The following TIAM2 variants were observed in gnomAD, a reference collection of about 807,000 sequenced individuals.
TIAM2 encodes TIAM Rac1 associated GEF 2, also known as rho guanine nucleotide exchange factor TIAM2.
A neutral mutation model predicts 152.9 loss-of-function variants in TIAM2; 80 were observed. The observed-to-expected ratio is 0.52, with a 90% CI of 0.44 to 0.63. The LOEUF (loss-of-function observed/expected upper bound fraction) is 0.63. Ranked by LOEUF, TIAM2 falls within the 30% of genes least tolerant of loss-of-function variation. The pLI, the probability that TIAM2 is intolerant of heterozygous loss-of-function variation, is 0.00. For synonymous variants in TIAM2, 804 were observed against 838.0 expected, an observed-to-expected ratio of 0.96 and a Z score of 0.70; for missense variants, 1,965 against 2,120.1, an observed-to-expected ratio of 0.93 and a Z score of 1.44.
intron 15 of TIAM2, among the ~76,000 whole-genome samples, chr6:155,239,691 C>G (rs1273288426): frequency 6.6e-6 from 1 of 152,190 alleles, no homozygotes; most frequent in Non-Finnish European, 1.5e-5. Context: ...CTATGTGATT[C>G]CTTTCCCATG....
chr6:155,199,158 C>T (rs1781423790), intron 14 of TIAM2, among the ~76,000 whole-genome samples: 1 of 152,006 alleles, frequency 6.6e-6, no homozygotes, highest in African/African-American at 2.4e-5. Flanking sequence ...TCACTGCAAC[C>T]TCTGCCTCCC....
At position 155,045,054 on chromosome 6, in the gene TIAM2, T is replaced by TC. The variant is rs201811803; in HGVS notation, c.-208-45235_-208-45234insC. ...GCCCTTTTTCTTTTTCTTTTTCTTTTTTTTTTTTTTTTTTGAGACAGAGTC... is the reference window on the plus strand; with the variant it reads ...GCCCTTTTTCTTTTTCTTTTTCTTTTCTTTTTTTTTTTTTTGAGACAGAGTC... On this transcript the variant is annotated intron_variant, in intron 1 of 26. Coordinates refer to ENST00000682666, the MANE Select transcript of TIAM2 (RefSeq NM_012454.4). Among the ~76,000 whole-genome samples the TC allele has an allele frequency of 3.5e-3, 509 of 145,612 alleles. 2 individuals are homozygous for TC. The highest frequency in any genetic ancestry group is 5.2e-3 in the Non-Finnish European group (344 of 66,202).
intron 14 of TIAM2, among the ~76,000 whole-genome samples, chr6:155,185,123 C>CTTTT (rs11404301): frequency 5.7e-4 from 53 of 92,386 alleles, no homozygotes; most frequent in African/African-American, 7.9e-4. Context: ...GCAAATTTAC[C>CTTTT]TTTTTTTTTT....
At position 155,018,487 on chromosome 6, in the gene TIAM2, C is replaced by T. The variant is rs756007918; in HGVS notation, c.-209+22995C>T. Among the ~76,000 whole-genome samples, 148 of 150,996 alleles carry T rather than the reference C, an allele frequency of 9.8e-4. 1 individual carries two copies. Among genetic ancestry groups the T allele is most frequent in the Middle Eastern group, 3.4e-3 (1 of 294 alleles). On this transcript the variant is annotated intron_variant, in intron 1 of 26. Transcript: ENST00000682666. The stretch of plus-strand genomic sequence containing the variant: ...TTCAAAAATTAGCCAGGCATGGTGG[C>T]GAGCTCCTGTAATCCCAGCTACTCA...
At chr6:155,028,486 C>CAAATA (rs1554225309) in intron 1 of TIAM2, among the ~76,000 whole-genome samples, 3 of 103,104 alleles carry the variant, frequency 2.9e-5, no homozygotes, top group Non-Finnish European at 6.0e-5. Flanking sequence ...ACATATACTA[C>CAAATA]ATATATATAC....
At chr6:155,144,799 G>A in intron 6 of TIAM2, 21 bp downstream of exon 6, 1 of 1,596,392 alleles carries the variant, frequency 6.3e-7, no homozygotes, top group Non-Finnish European at 8.5e-7. Context: ...TACTTTGTAA[G>A]TGGAGGTAAT....
At chr6:155,206,450 T>C (rs962116988) in intron 14 of TIAM2, among the ~76,000 whole-genome samples, 2 of 152,146 alleles carry the variant, frequency 1.3e-5, no homozygotes, top group South Asian at 2.1e-4. Flanking sequence ...TTAGCCAGGA[T>C]GGTCTCGATC....
At chr6:155,026,511 G>C (rs1019841469) in intron 1 of TIAM2, among the ~76,000 whole-genome samples, 1 of 152,194 alleles carries the variant, frequency 6.6e-6, no homozygotes, top group Admixed American at 6.5e-5. Context: ...GAAGGGCATG[G>C]ACAACTACAG....
chr6:155,171,121 CAGAA>C (rs1353015296), intron 9 of TIAM2, among the ~76,000 whole-genome samples: 2 of 152,192 alleles, frequency 1.3e-5, no homozygotes, highest in African/African-American at 2.4e-5. Flanking sequence ...TTCTATAACA[CAGAA>C]AGGCTGTTGT....
At chr6:155,221,777 A>G (rs533835027) in intron 15 of TIAM2, among the ~76,000 whole-genome samples, 1 of 152,034 alleles carries the variant, frequency 6.6e-6, no homozygotes, top group East Asian at 1.9e-4. Flanking sequence ...TCAGCCCTCT[A>G]TTTCCAGATC....
intron 1 of TIAM2, among the ~76,000 whole-genome samples, chr6:154,997,038 C>T (rs976107975): frequency 4.6e-5 from 7 of 152,142 alleles, no homozygotes; most frequent in African/African-American, 1.7e-4. Flanking sequence ...CACCTGCCTG[C>T]CTTTCCAGTT....
At chr6:155,167,206 G>A (rs952392624) in intron 9 of TIAM2, among the ~76,000 whole-genome samples, 1 of 148,820 alleles carries the variant, frequency 6.7e-6, no homozygotes, top group Admixed American at 6.6e-5. Flanking sequence ...TTAAAATTGT[G>A]GTTCTACTTG....
intron 7 of TIAM2, among the ~76,000 whole-genome samples, chr6:155,148,540 AC>A (rs1314143757): frequency 2.6e-5 from 4 of 152,040 alleles, no homozygotes; most frequent in African/African-American, 9.7e-5. Flanking sequence ...ATGCTTTATG[AC>A]CTTTGGCGGC....
intron 18 of TIAM2, 171 bp downstream of exon 18, chr6:155,244,954 T>A (rs1240589587): frequency 5.8e-6 from 5 of 855,122 alleles, no homozygotes; most frequent in Non-Finnish European, 8.1e-6. Flanking sequence ...AAAGGAAGGC[T>A]GTATATATTT....
chr6:155,129,503 C>T lies in TIAM2; in HGVS notation c.280C>T (p.His94Tyr). Residue 94 changes from histidine (H) to tyrosine (Y), a missense_variant, in exon 4 of 27, where the codon CAC (histidine) becomes TAC (tyrosine). Physicochemically the swap from His to Tyr is moderately conservative, Grantham distance 83 (BLOSUM62 2). This residue lies in a region of TIAM2 where 1,025 missense variants were observed against 1,119.4 expected (regional missense o/e 0.92). Coordinates refer to ENST00000682666, the MANE Select transcript of TIAM2 (RefSeq NM_012454.4). This position sits in a 1 kb window ranked among gnomAD's most constrained non-coding sequence, Gnocchi z 4.8. The stretch of plus-strand genomic sequence containing the variant: ...CTCCAGAGGTGTTGCCTACTCCACG[C>T]ACAGGACAAATGCCCCAGGGAAGGA... ...KVSRGVAYSTHRTNAPGKDFQ... is the reference protein window; with the variant it reads ...KVSRGVAYSTYRTNAPGKDFQ... The T allele has an allele frequency of 2.5e-6, 4 of 1,614,138 alleles. No individual in the cohort carries two copies. The highest frequency in any genetic ancestry group is 3.4e-6 in the Non-Finnish European group (4 of 1,180,034).
At chr6:155,088,230 A>T (rs534132826) in intron 1 of TIAM2, among the ~76,000 whole-genome samples, 1 of 151,626 alleles carries the variant, frequency 6.6e-6, no homozygotes, top group South Asian at 2.1e-4. Flanking sequence ...AATGTTTTGT[A>T]TTTTTAGTAG....
At chr6:155,097,151 C>T in intron 2 of TIAM2, among the ~76,000 whole-genome samples, 1 of 152,106 alleles carries the variant, frequency 6.6e-6, no homozygotes, top group Non-Finnish European at 1.5e-5. Context: ...GTATGTCTTC[C>T]TTTGAGAAAT....
At chr6:155,042,600 T>C (rs892911451) in intron 1 of TIAM2, among the ~76,000 whole-genome samples, 1 of 152,006 alleles carries the variant, frequency 6.6e-6, no homozygotes, top group Admixed American at 6.6e-5. Context: ...CTGTCTCAAA[T>C]AAATAATAGC....
intron 2 of TIAM2, among the ~76,000 whole-genome samples, chr6:155,097,895 C>G (rs757957886): frequency 6.6e-6 from 1 of 152,148 alleles, no homozygotes; most frequent in Non-Finnish European, 1.5e-5. Context: ...TTTCCCAGCA[C>G]CATTTATTGA....
Sources: allele counts gnomAD v4.1 joint callset (sites outside exome capture counted in the v4.1 genomes callset), GRCh38; gene constraint gnomAD v4.1.1; regional missense constraint gnomAD v4.1.1; non-coding constraint Gnocchi (gnomAD v3.1); transcripts MANE v1.5; gene names NCBI Gene and HGNC (gene_info 2026-07-23, HGNC 2026-07-21).